HHAT: variants seen among roughly 807,000 people sequenced by gnomAD.
HHAT encodes the protein protein-cysteine N-palmitoyltransferase HHAT.
Under a neutral mutation model 70.8 loss-of-function variants are expected in HHAT, and 47 were observed. That is an observed-to-expected ratio of 0.66 (90% CI 0.53 to 0.85). HHAT has a LOEUF of 0.85. HHAT is among the 40% of genes least tolerant of loss of function. The probability of loss-of-function intolerance (pLI) is 0.00; values close to 1 mark genes in which losing one functional copy is unlikely to be tolerated. For synonymous variants in HHAT, 228 were observed against 247.6 expected (o/e 0.92, Z 0.74); for missense variants, 609 against 604.8 (o/e 1.01, Z -0.07).
rs76024436 is a variant in HHAT at position 210,553,413 on chromosome 1, C to T, written c.1044-34485C>T. ...TCCAGATGGAGGGGAGGACATTCTT[C>T]TGCTGAGGCCCTTTTAGGATCATGG... On this transcript the variant is annotated intron_variant, in intron 9 of 11. Transcript: ENST00000261458. 8.9e-3 allele frequency among the ~76,000 whole-genome samples: 1,362 copies of T among 152,334 alleles called. 5 individuals carry two copies. Among genetic ancestry groups the T allele is most frequent in the Non-Finnish European group, 0.014 (982 of 68,036 alleles).
chr1:210,631,912 A>G (rs1164026433), intron 11 of HHAT, among the ~76,000 whole-genome samples: 1 of 152,222 alleles, frequency 6.6e-6, no homozygotes, highest in Non-Finnish European at 1.5e-5. Flanking sequence ...AAAACTTTTC[A>G]TTATCTTGAA....
rs914606618 is a variant in HHAT at position 210,404,739 on chromosome 1, C to G, written c.684+60C>G. 27 of 1,348,438 alleles carry G rather than the reference C, an allele frequency of 2.0e-5. No individual in the cohort carries two copies. The African/African-American group carries it at 3.3e-4, about 17-fold the overall frequency. The allele number at this position is 1,348,438 out of a possible 1,614,324, so 83.5% of individuals were successfully genotyped here. ...AGCTTAAGCCTTTGTCGCTGTTGCTCTGGTCTTCTCTGACTCTTGAGTCGT... is the reference window on the plus strand; with the variant it reads ...AGCTTAAGCCTTTGTCGCTGTTGCTGTGGTCTTCTCTGACTCTTGAGTCGT... On this transcript the variant is annotated intron_variant, in intron 6 of 11. Coordinates refer to ENST00000261458, the MANE Select transcript of HHAT (RefSeq NM_018194.6).
intron 9 of HHAT, among the ~76,000 whole-genome samples, chr1:210,570,913 G>A (rs904453323): frequency 2.6e-5 from 4 of 152,098 alleles, no homozygotes; most frequent in African/African-American, 9.7e-5. Context: ...CCATAAGAGG[G>A]GTAAGTGTTA....
chr1:210,620,713 G>A lies in HHAT; in HGVS notation c.1246-2813G>A, dbSNP rs147884748. ...TTGATTTCTCCTTTAAATCCTTTTA[G>A]TTTGATTCTAACAGGCTGTGCTTTA... is the stretch of plus-strand genomic sequence containing the variant. On this transcript the variant is annotated intron_variant, in intron 10 of 11. Coordinates refer to ENST00000261458, the MANE Select transcript of HHAT (RefSeq NM_018194.6). Among the ~76,000 whole-genome samples, 54 of 152,162 alleles carry A rather than the reference G, an allele frequency of 3.5e-4. No individual in the cohort carries two copies. The East Asian group carries it at 0.01, about 29-fold the overall frequency.
intron 7 of HHAT, among the ~76,000 whole-genome samples, chr1:210,449,830 C>T (rs891389101): frequency 1.3e-5 from 2 of 152,156 alleles, no homozygotes; most frequent in Admixed American, 6.5e-5. Context: ...TTCATTAGGT[C>T]TCCATAAAGA....
At chr1:210,636,468 C>T (rs139575051) in intron 11 of HHAT, among the ~76,000 whole-genome samples, 12 of 152,274 alleles carry the variant, frequency 7.9e-5, no homozygotes, top group Middle Eastern at 3.4e-3. Context: ...TATCTTATCC[C>T]AAAGGCTGCA....
intron 3 of HHAT, among the ~76,000 whole-genome samples, chr1:210,370,610 ATTTTT>A (rs10664778): frequency 2.0e-5 from 2 of 98,354 alleles, no homozygotes; most frequent in African/African-American, 8.3e-5. Context: ...TGCAGATGCT[ATTTTT>A]TTTTTTTTTT....
chr1:210,359,532 C>G (rs1166355173), intron 2 of HHAT, among the ~76,000 whole-genome samples: 1 of 152,052 alleles, frequency 6.6e-6, no homozygotes, highest in Non-Finnish European at 1.5e-5. Flanking sequence ...ACTCAGGAAC[C>G]AACTCAGCAC....
chr1:210,626,188 G>T (rs748413885), intron 11 of HHAT, among the ~76,000 whole-genome samples: 9 of 152,196 alleles, frequency 5.9e-5, no homozygotes, highest in Non-Finnish European at 1.3e-4. Context: ...CCCAGGGAAT[G>T]CTGGTATTGA....
At chr1:210,350,860 C>A (rs564990853) in intron 2 of HHAT, among the ~76,000 whole-genome samples, 2 of 152,108 alleles carry the variant, frequency 1.3e-5, no homozygotes, top group Non-Finnish European at 2.9e-5. Flanking sequence ...TGGTTTCTCA[C>A]CATTAAGTAT....
At chr1:210,602,186 G>C (rs1326909973) in intron 10 of HHAT, among the ~76,000 whole-genome samples, 1 of 152,114 alleles carries the variant, frequency 6.6e-6, no homozygotes, top group Non-Finnish European at 1.5e-5. Flanking sequence ...GAGAGTGCTG[G>C]CAGTGAGAAA....
chr1:210,595,154 C>G (rs1371317106), intron 10 of HHAT, among the ~76,000 whole-genome samples: 1 of 152,042 alleles, frequency 6.6e-6, no homozygotes, highest in Non-Finnish European at 1.5e-5. Flanking sequence ...TGTGATGTTC[C>G]CCTTCCTGTG....
intron 11 of HHAT, among the ~76,000 whole-genome samples, chr1:210,664,180 G>GC (rs1354971248): frequency 3.9e-5 from 6 of 152,204 alleles, no homozygotes; most frequent in Non-Finnish European, 8.8e-5. Context: ...CCTCTGATGG[G>GC]AGAAGGCTCC....
At chr1:210,611,621 A>G (rs1666602302) in intron 10 of HHAT, among the ~76,000 whole-genome samples, 1 of 152,092 alleles carries the variant, frequency 6.6e-6, no homozygotes, top group Non-Finnish European at 1.5e-5. Context: ...TTGCCCATTT[A>G]GTATGATGTT....
chr1:210,667,709 AG>A (rs1222085389), intron 11 of HHAT, among the ~76,000 whole-genome samples: 3 of 151,882 alleles, frequency 2.0e-5, no homozygotes, highest in Non-Finnish European at 2.9e-5. Context: ...GCCCAGCCCC[AG>A]GCAACCCCCG....
intron 10 of HHAT, among the ~76,000 whole-genome samples, chr1:210,596,940 G>A (rs1663140815): frequency 6.6e-6 from 1 of 152,154 alleles, no homozygotes; most frequent in African/African-American, 2.4e-5. Context: ...CACAGTTTGG[G>A]CTTCTTTGTG....
chr1:210,521,435 C>A (rs1265754333), intron 9 of HHAT, among the ~76,000 whole-genome samples: 1 of 152,100 alleles, frequency 6.6e-6, no homozygotes, highest in Non-Finnish European at 1.5e-5. Context: ...TATACCTGAC[C>A]CTTTCGTAAA....
At chr1:210,506,216 C>CT (rs1420768924) in intron 8 of HHAT, among the ~76,000 whole-genome samples, 1 of 152,160 alleles carries the variant, frequency 6.6e-6, no homozygotes, top group African/African-American at 2.4e-5. Context: ...CATAAATAAA[C>CT]TGCCAGGGCT....
chr1:210,379,852 A>C (rs1389610268), intron 3 of HHAT, among the ~76,000 whole-genome samples: 1 of 152,146 alleles, frequency 6.6e-6, no homozygotes, highest in Non-Finnish European at 1.5e-5. Context: ...CTCTATTGTA[A>C]TACTACTGTA....
Sources: allele counts gnomAD v4.1 joint callset (sites outside exome capture counted in the v4.1 genomes callset), GRCh38; gene constraint gnomAD v4.1.1; transcripts MANE v1.5; gene names NCBI Gene and HGNC (gene_info 2026-07-23, HGNC 2026-07-21).